Variants in CACNA2D3 observed in about 807,000 individuals in gnomAD.
CACNA2D3 encodes the protein calcium voltage-gated channel auxiliary subunit alpha2delta 3.
Under a neutral mutation model 160.6 loss-of-function variants are expected in CACNA2D3, and 60 were observed. That is an observed-to-expected ratio of 0.37 (90% CI 0.30 to 0.46). The LOEUF (loss-of-function observed/expected upper bound fraction) is 0.46. Ranked by LOEUF, CACNA2D3 falls within the 20% of genes least tolerant of loss-of-function variation. CACNA2D3 has a pLI of 1.00. For missense variants in CACNA2D3, 1,205 were observed against 1,365.0 expected (o/e 0.88, Z 1.85); for synonymous variants, 558 against 492.9 (o/e 1.13, Z -1.75).
At chr3:54,298,944 TAAAAAAAAAA>T (rs59100168) in intron 2 of CACNA2D3, among the ~76,000 whole-genome samples, 8 of 99,254 alleles carry the variant, frequency 8.1e-5, no homozygotes, top group South Asian at 6.4e-4. Flanking sequence ...CTCTGTTTCT[TAAAAAAAAAA>T]AAAAAAAAAA....
chr3:55,005,886 A>G (rs1703082929), intron 32 of CACNA2D3, among the ~76,000 whole-genome samples: 1 of 152,222 alleles, frequency 6.6e-6, no homozygotes, highest in African/African-American at 2.4e-5. Flanking sequence ...TTTGAAACAC[A>G]ACACTTAAAA....
chr3:54,855,102 T>C (rs1405003024), intron 17 of CACNA2D3, among the ~76,000 whole-genome samples: 2 of 152,172 alleles, frequency 1.3e-5, no homozygotes, highest in Non-Finnish European at 2.9e-5. Flanking sequence ...AGCATCCCCC[T>C]GGCCCTAGGA....
chr3:54,967,171 A>C (rs576048881), intron 27 of CACNA2D3: 2 of 152,328 alleles, frequency 1.3e-5, no homozygotes, highest in African/African-American at 4.8e-5. Flanking sequence ...ACAGATGGCA[A>C]ATCTCTCCCA....
chr3:54,876,382 T>A (rs1393112398), intron 18 of CACNA2D3: 1 of 152,160 alleles, frequency 6.6e-6, no homozygotes, highest in Non-Finnish European at 1.5e-5. Context: ...GGCAGTCTAT[T>A]AAGTCATCAA....
chr3:54,647,801 GA>G (rs1427213473), intron 11 of CACNA2D3, among the ~76,000 whole-genome samples: 1 of 152,250 alleles, frequency 6.6e-6, no homozygotes, highest in Non-Finnish European at 1.5e-5. Flanking sequence ...GCAGCATCAT[GA>G]TTGCTTATGC....
chr3:54,990,496 A>G (rs1702714939), intron 31 of CACNA2D3, among the ~76,000 whole-genome samples: 2 of 152,200 alleles, frequency 1.3e-5, no homozygotes, highest in South Asian at 2.1e-4. Flanking sequence ...ATGCTACGGC[A>G]CTTCAGCCTG....
rs148879457 is a variant in CACNA2D3 at position 54,922,543 on chromosome 3, T to C, written c.2449+22675T>C. On this transcript the variant is annotated intron_variant, in intron 27 of 37. Coordinates refer to ENST00000474759, the MANE Select transcript of CACNA2D3 (RefSeq NM_018398.3). ...TGTCGACTGGATATTGATTATGTAA[T>C]TTACTATTACATTGTTGAGAAGGAT... 3.2e-3 allele frequency among the ~76,000 whole-genome samples: 485 copies of C among 152,226 alleles called. 4 individuals are homozygous for C. The highest frequency in any genetic ancestry group is 0.011 in the African/African-American group (457 of 41,534).
intron 4 of CACNA2D3, among the ~76,000 whole-genome samples, chr3:54,400,992 A>G (rs1316932971): frequency 3.9e-5 from 6 of 152,200 alleles, no homozygotes; most frequent in Non-Finnish European, 7.3e-5. Context: ...CAATTCAGTG[A>G]AATCAGAAAA....
At chr3:54,277,168 C>T (rs1338360519) in intron 2 of CACNA2D3, among the ~76,000 whole-genome samples, 3 of 152,248 alleles carry the variant, frequency 2.0e-5, no homozygotes, top group Non-Finnish European at 4.4e-5. Context: ...TTCACATGAA[C>T]GTCTGCCCTT....
intron 9 of CACNA2D3, among the ~76,000 whole-genome samples, chr3:54,601,017 G>T (rs937458128): frequency 7.9e-5 from 12 of 152,128 alleles, no homozygotes; most frequent in Non-Finnish European, 1.3e-4. Flanking sequence ...GCACGATCCA[G>T]AGTGGCTAAC....
At chr3:54,278,843 G>C (rs950185753) in intron 2 of CACNA2D3, among the ~76,000 whole-genome samples, 2 of 152,122 alleles carry the variant, frequency 1.3e-5, no homozygotes, top group Non-Finnish European at 2.9e-5. Context: ...GGGGGATGGG[G>C]GGCAAGGGGA....
At chr3:55,016,526 G>C (rs1703330520) in intron 34 of CACNA2D3, among the ~76,000 whole-genome samples, 1 of 152,316 alleles carries the variant, frequency 6.6e-6, no homozygotes, top group South Asian at 2.1e-4. Flanking sequence ...GCCTGTGGAT[G>C]GTAACATTTG....
At chr3:54,881,437 T>A (rs916315195) in intron 21 of CACNA2D3, among the ~76,000 whole-genome samples, 2 of 152,178 alleles carry the variant, frequency 1.3e-5, no homozygotes, top group African/African-American at 4.8e-5. Flanking sequence ...GACCCTCTTA[T>A]CTTCATAAAG....
At chr3:54,339,464 C>T (rs116333374) in intron 3 of CACNA2D3, among the ~76,000 whole-genome samples, 1,582 of 152,224 alleles carry the variant, frequency 0.01, 31 homozygotes, top group African/African-American at 0.036. Context: ...TTGTTTATAC[C>T]TTTTCTTCAT....
At chr3:54,386,487 G>A (rs1057191612) in intron 3 of CACNA2D3, among the ~76,000 whole-genome samples, 1 of 152,160 alleles carries the variant, frequency 6.6e-6, no homozygotes, top group Non-Finnish European at 1.5e-5. Context: ...ATTTATAAAT[G>A]TGTACATAAC....
intron 35 of CACNA2D3, among the ~76,000 whole-genome samples, chr3:55,023,984 C>T (rs1575440323): frequency 7.4e-6 from 1 of 134,732 alleles, no homozygotes; most frequent in East Asian, 2.0e-4. Flanking sequence ...TTTTGTTTTA[C>T]TATTTCATCT....
chr3:54,740,640 A>G (rs1242957621), intron 11 of CACNA2D3, among the ~76,000 whole-genome samples: 1 of 152,218 alleles, frequency 6.6e-6, no homozygotes, highest in Non-Finnish European at 1.5e-5. Flanking sequence ...CAGGTAAAAC[A>G]GAGTGAACAC....
chr3:55,011,503 A>G (rs568077201), intron 34 of CACNA2D3, among the ~76,000 whole-genome samples: 5 of 152,368 alleles, frequency 3.3e-5, no homozygotes, highest in African/African-American at 9.6e-5. Context: ...CCATTTTACA[A>G]TAAATTACAA....
chr3:54,810,983 T>C (rs1357248955), intron 13 of CACNA2D3, among the ~76,000 whole-genome samples: 1 of 152,212 alleles, frequency 6.6e-6, no homozygotes, highest in Non-Finnish European at 1.5e-5. Flanking sequence ...TTGCCTGCGC[T>C]GGTCCCATCT....
Sources: allele counts gnomAD v4.1 joint callset (sites outside exome capture counted in the v4.1 genomes callset), GRCh38; gene constraint gnomAD v4.1.1; transcripts MANE v1.5; gene names NCBI Gene and HGNC (gene_info 2026-07-23, HGNC 2026-07-21).